Variants in NT5M observed in about 807,000 individuals in gnomAD.
The protein encoded by NT5M is 5'(3')-deoxyribonucleotidase, mitochondrial.
In NT5M, 22 loss-of-function variants were observed where a neutral mutation model predicts 22.2. That is an observed-to-expected ratio of 0.99 (90% confidence interval 0.71 to 1.41). NT5M has a LOEUF of 1.41. Ranked by LOEUF, NT5M falls within the 40% of genes most tolerant of loss-of-function variation. The pLI, the probability that NT5M is intolerant of heterozygous loss-of-function variation, is 0.00. For synonymous variants in NT5M, 167 were observed against 133.0 expected, an observed-to-expected ratio of 1.26 and a Z score of -1.76; for missense variants, 322 against 314.8, an observed-to-expected ratio of 1.02 and a Z score of -0.17.
Position 17,347,631 on chromosome 17 carries a change from G to T in NT5M, c.*684G>T, listed in dbSNP as rs886570139. ...AGGCTTGAACATGTGTTGAGTGCAT[G>T]AAAAATAAATGCTGTTCATGTGTGT... On this transcript the variant is annotated 3_prime_UTR_variant, in exon 5 of 5. Transcript: ENST00000389022. The T allele has an allele frequency of 2.0e-5, 3 of 152,442 alleles. No homozygotes were observed. The highest frequency in any genetic ancestry group is 7.2e-5 in the African/African-American group (3 of 41,472). The allele number at this position is 152,442 out of a possible 1,614,324, so 9.4% of individuals were successfully genotyped here.
chr17:17,329,671 A>G (rs971638865), intron 3 of NT5M, among the ~76,000 whole-genome samples: 4 of 152,102 alleles, frequency 2.6e-5, no homozygotes, highest in Non-Finnish European at 5.9e-5. Flanking sequence ...TTTTTAGAAT[A>G]AATGTCAAAA....
chr17:17,314,873 C>T (rs2048991827), intron 2 of NT5M, among the ~76,000 whole-genome samples: 1 of 152,202 alleles, frequency 6.6e-6, no homozygotes, highest in Admixed American at 6.5e-5. Context: ...CAGAGGCCTT[C>T]CCTGACCACT....
chr17:17,325,209 T>C (rs188995899), intron 3 of NT5M, among the ~76,000 whole-genome samples: 9 of 152,210 alleles, frequency 5.9e-5, no homozygotes, highest in Admixed American at 2.6e-4. Flanking sequence ...CCAGCAGTTG[T>C]GGGAGTGAGA....
In NT5M at chr17:17,316,206, C is replaced by T. The variant is rs575442728; in HGVS notation, c.369-6979C>T. On this transcript the variant is annotated intron_variant, in intron 2 of 4. Coordinates refer to ENST00000389022, the MANE Select transcript of NT5M (RefSeq NM_020201.4). Reference sequence around the variant, plus strand: ...CCAAGTAGCTGGGACTACAGGTGTTCGCCAACATGCCTGGCTAATTTCTGT... The same window carrying T: ...CCAAGTAGCTGGGACTACAGGTGTTTGCCAACATGCCTGGCTAATTTCTGT... Among the ~76,000 whole-genome samples the T allele has an allele frequency of 7.6e-4, 116 of 151,942 alleles. 1 individual carries two copies. Among genetic ancestry groups the T allele is most frequent in the Admixed American group, 4.1e-3 (63 of 15,242 alleles).
At chr17:17,309,130 T>TC (rs1462537965) in intron 2 of NT5M, among the ~76,000 whole-genome samples, 1 of 150,318 alleles carries the variant, frequency 6.7e-6, no homozygotes, top group African/African-American at 2.4e-5. Flanking sequence ...TTTCTTTCTT[T>TC]TTTTTTTTTT....
intron 3 of NT5M, among the ~76,000 whole-genome samples, chr17:17,324,160 C>T (rs942862993): frequency 6.6e-6 from 1 of 150,766 alleles, no homozygotes; most frequent in Non-Finnish European, 1.5e-5. Context: ...TAGGCGTGAG[C>T]CACCGTGCCT....
chr17:17,303,557 C>T lies in NT5M; in HGVS notation c.7C>T (p.Arg3Trp), dbSNP rs2145299565. Residue 3 changes from arginine (R) to tryptophan (W), a missense_variant, in exon 1 of 5, where the codon CGG becomes TGG. Transcript: ENST00000389022. MI[R>W]LGGWCARRLC... ...CGGGCCAGCGCGCTGGGCCATGATC[C>T]GGCTGGGCGGCTGGTGTGCGCGGCG... The T allele has an allele frequency of 1.8e-6, 2 of 1,086,040 alleles. No homozygotes were observed. The highest frequency in any genetic ancestry group is 2.2e-6 in the Non-Finnish European group (2 of 894,584). The allele number at this position is 1,086,040 out of a possible 1,614,324, so 67.3% of individuals were successfully genotyped here. A position where few individuals can be genotyped will look rare whatever the true frequency, so the allele number is the denominator to read the frequency against.
chr17:17,314,132 C>G (rs2048975699), intron 2 of NT5M, among the ~76,000 whole-genome samples: 1 of 151,670 alleles, frequency 6.6e-6, no homozygotes, highest in Non-Finnish European at 1.5e-5. Flanking sequence ...CTCCCGGGTT[C>G]AAGTGATTCT....
In NT5M at chr17:17,344,877, C is replaced by T; in HGVS notation, c.513C>T (p.Asp171=). 1 of 1,614,208 alleles carries T rather than the reference C, an allele frequency of 6.2e-7. No individual in the cohort carries two copies. Residue 171 remains aspartate (D), a synonymous_variant, in exon 4 of 5, where the codon GAC becomes GAT. Transcript: ENST00000389022. ...GAGACAAGACCGTGGTCTCTGCTGA[C>T]CTTCTCATAGACGACCGGCCGGACA... is the stretch of plus-strand genomic sequence containing the variant. ...LTRDKTVVSA[D]LLIDDRPDIT...
chr17:17,321,347 C>T (rs2049148008), intron 2 of NT5M, among the ~76,000 whole-genome samples: 3 of 151,796 alleles, frequency 2.0e-5, no homozygotes, highest in Admixed American at 2.0e-4. Flanking sequence ...TATTGCAGGG[C>T]ATAGTGTCTG....
At position 17,343,101 on chromosome 17, in the gene NT5M, G is replaced by C. The variant is rs368534467; in HGVS notation, c.430-1693G>C. Among the ~76,000 whole-genome samples the C allele has an allele frequency of 1.2e-4, 19 of 152,262 alleles. No homozygotes were observed. In the East Asian group the frequency reaches 2.7e-3, roughly 22 times the overall value. On this transcript the variant is annotated intron_variant, in intron 3 of 4. Transcript: ENST00000389022. ...ATTTACAGTCCTGTGGGGAAGATGC[G>C]AAGTAAGTTATAGAGATGTGTAGCT...
At chr17:17,338,726 AT>A (rs34156759) in intron 3 of NT5M, among the ~76,000 whole-genome samples, 252 of 41,350 alleles carry the variant, frequency 6.1e-3, no homozygotes, top group East Asian at 0.038. Flanking sequence ...TGTCATTGGT[AT>A]TTTTTTTTTT....
intron 2 of NT5M, among the ~76,000 whole-genome samples, chr17:17,315,744 GTTTTTTTGTTTTTT>G (rs1211460776): frequency 2.5e-4 from 17 of 67,756 alleles, no homozygotes; most frequent in Middle Eastern, 0.025. Context: ...CTAACTTAGG[GTTTTTTTGTTTTTT>G]TTTTTTTTTT....
intron 3 of NT5M, among the ~76,000 whole-genome samples, chr17:17,335,153 T>C (rs910269623): frequency 1.1e-4 from 17 of 152,040 alleles, no homozygotes; most frequent in Non-Finnish European, 8.8e-5. Context: ...TATTTTATAA[T>C]GGTAAATACA....
intron 3 of NT5M, among the ~76,000 whole-genome samples, chr17:17,330,579 T>G (rs1165293335): frequency 6.6e-6 from 1 of 151,996 alleles, no homozygotes; most frequent in Non-Finnish European, 1.5e-5. Flanking sequence ...TTTCACCACA[T>G]TGGCCAGGCT....
chr17:17,326,601 C>T (rs114791598), intron 3 of NT5M, among the ~76,000 whole-genome samples: 2 of 152,206 alleles, frequency 1.3e-5, no homozygotes, highest in Admixed American at 6.5e-5. Flanking sequence ...GACGCTGAAG[C>T]GCCCTTTCTC....
At position 17,346,817 on chromosome 17, in the gene NT5M, C is replaced by G; in HGVS notation, c.557C>G (p.Thr186Ser). The G allele has an allele frequency of 6.2e-7, 1 of 1,607,648 alleles. No homozygotes were observed. The highest frequency in any genetic ancestry group is 8.5e-7 in the Non-Finnish European group (1 of 1,179,936). The part of the protein sequence containing the change: ...DRPDITGAEP[T>S]PSWEHVLFTA... ...TTCCCACCCACAGGGGCCGAGCCAA[C>G]CCCCAGCTGGGAGCATGTCCTCTTC... Residue 186 changes from threonine to serine, a missense_variant, in exon 5 of 5, where the codon ACC (threonine) becomes AGC (serine). Thr to Ser is a moderately conservative substitution (Grantham distance 58). Coordinates refer to ENST00000389022, the MANE Select transcript of NT5M (RefSeq NM_020201.4).
rs570713467 is a variant in NT5M, at chr17:17,303,593, G to A, written c.43G>A (p.Ala15Thr). ...GGWCARRLCSAAVPAGRRGAA... is the reference protein window; with the variant it reads ...GGWCARRLCSTAVPAGRRGAA... ...CTGGTGTGCGCGGCGGCTCTGCAGCGCGGCGGTTCCCGCGGGGCGGCGCGG... is the reference window on the plus strand; with the variant it reads ...CTGGTGTGCGCGGCGGCTCTGCAGCACGGCGGTTCCCGCGGGGCGGCGCGG... The change falls in exon 1 of 5, where the codon GCG becomes ACG. Residue 15 changes from alanine (A) to threonine (T), a missense_variant. Ala to Thr is a moderately conservative substitution (Grantham distance 58). Coordinates refer to ENST00000389022, the MANE Select transcript of NT5M (RefSeq NM_020201.4). 1.7e-5 allele frequency: 21 copies of A among 1,200,142 alleles called. No homozygotes were observed. In the South Asian group the frequency reaches 7.5e-4, roughly 43 times the overall value. The allele number at this position is 1,200,142 out of a possible 1,614,324, so 74.3% of individuals were successfully genotyped here. A position where few individuals can be genotyped will look rare whatever the true frequency, so the allele number is the denominator to read the frequency against.
At chr17:17,306,792 G>A (rs79875259) in intron 2 of NT5M, 149 bp downstream of exon 2, 13,826 of 628,726 alleles carry the variant, frequency 0.022, 1,286 homozygotes, top group African/African-American at 0.21. Flanking sequence ...TGCTGAGCCT[G>A]GGGAAAACCA....
Sources: gnomAD v4.1 joint callset for allele counts (sites outside exome capture counted in the v4.1 genomes callset) on GRCh38, gnomAD v4.1.1 for gene constraint, MANE v1.5 for transcripts, NCBI Gene and HGNC (gene_info 2026-07-23, HGNC 2026-07-21) for gene names.